The following ARID2 variants were observed in gnomAD, a reference collection of about 807,000 sequenced individuals.
ARID2 encodes AT-rich interaction domain 2.
In ARID2, 32 loss-of-function variants were observed where a neutral mutation model predicts 184.6. The ratio of observed to expected loss-of-function variants is 0.17; its 90% CI spans 0.13 to 0.23. The LOEUF is 0.23. Among genes scored for constraint, ARID2 ranks in the 10% least tolerant of loss-of-function variants. The probability of loss-of-function intolerance (pLI) is 1.00; values close to 1 mark genes in which losing one functional copy is unlikely to be tolerated. For synonymous variants in ARID2, 836 were observed against 772.6 expected (o/e 1.08, Z -1.36); for missense variants, 1,696 against 2,197.6 (o/e 0.77, Z 4.56).
intron 20 of ARID2, among the ~76,000 whole-genome samples, chr12:45,896,372 T>C (rs965972177): frequency 6.6e-6 from 1 of 152,098 alleles, no homozygotes; most frequent in African/African-American, 2.4e-5. Flanking sequence ...TTTGGCTGTG[T>C]CCCCACCCAG....
intron 3 of ARID2, among the ~76,000 whole-genome samples, chr12:45,746,815 G>T (rs1052149148): frequency 3.3e-5 from 5 of 152,114 alleles, no homozygotes; most frequent in African/African-American, 1.2e-4. Flanking sequence ...CACCCAGGCT[G>T]GAGTGCAGTG....
chr12:45,878,681 T>C (rs1250482968), intron 16 of ARID2, among the ~76,000 whole-genome samples: 1 of 152,200 alleles, frequency 6.6e-6, no homozygotes, highest in Middle Eastern at 3.2e-3. Flanking sequence ...TTATTTTAAA[T>C]TCTCAGTCTG....
intron 3 of ARID2, among the ~76,000 whole-genome samples, chr12:45,776,622 A>AT (rs1383189841): frequency 3.9e-5 from 6 of 152,088 alleles, no homozygotes; most frequent in South Asian, 2.1e-4. Context: ...AAATCAAAGG[A>AT]TTTTTTTAAA....
chr12:45,840,626 A>G (rs1186786233), intron 11 of ARID2: 3 of 152,252 alleles, frequency 2.0e-5, no homozygotes, highest in East Asian at 3.9e-4. Context: ...CATCACATCC[A>G]TTCATCAGAT....
intron 11 of ARID2, 22 bp downstream of exon 11, chr12:45,839,518 T>G: frequency 6.2e-7 from 1 of 1,601,464 alleles, no homozygotes; most frequent in Middle Eastern, 1.7e-4. Flanking sequence ...CACATATTCT[T>G]TTTCAGTGTG....
At chr12:45,739,219 T>G (rs1217696002) in intron 3 of ARID2, among the ~76,000 whole-genome samples, 1 of 152,110 alleles carries the variant, frequency 6.6e-6, no homozygotes, top group Non-Finnish European at 1.5e-5. Flanking sequence ...CCTCAGGTGA[T>G]TCACCTGCTT....
In ARID2 at chr12:45,841,355, GTAAT is replaced by G. The variant is rs774651942; in HGVS notation, c.1498+1865_1498+1868del. The G allele has an allele frequency of 2.0e-5, 3 of 152,260 alleles. No individual in the cohort carries two copies. The East Asian group carries it at 5.8e-4, about 29-fold the overall frequency. 9.4% of individuals were successfully genotyped at this position (152,260 alleles called of 1,614,324 possible). The stretch of plus-strand genomic sequence containing the variant: ...AATTTGTGGCTTATTCATTTATGTA[GTAAT>G]TAATTCATTCATAGAGATGGGACTA... On this transcript the variant is annotated intron_variant, in intron 11 of 20. Coordinates refer to ENST00000334344, the MANE Select transcript of ARID2 (RefSeq NM_152641.4).
At chr12:45,798,994 T>G (rs1942444181) in intron 3 of ARID2, among the ~76,000 whole-genome samples, 1 of 151,812 alleles carries the variant, frequency 6.6e-6, no homozygotes, top group Non-Finnish European at 1.5e-5. Flanking sequence ...TATATTAACC[T>G]GGGTATTAAA....
At position 45,745,911 on chromosome 12, in the gene ARID2, A is replaced by C. The variant is rs144520883; in HGVS notation, c.284+14597A>C. 3.3e-3 allele frequency among the ~76,000 whole-genome samples: 502 copies of C among 152,278 alleles called. 2 individuals carry two copies. The highest frequency in any genetic ancestry group is 0.012 in the African/African-American group (488 of 41,558). ...AGAGAGAAAAAACACTTTTTACTGC[A>C]AATATTCTTTATATTAAATATTTTA... is the stretch of plus-strand genomic sequence containing the variant. On this transcript the variant is annotated intron_variant, in intron 3 of 20. Coordinates refer to ENST00000334344, the MANE Select transcript of ARID2 (RefSeq NM_152641.4).
chr12:45,800,758 T>TA lies in ARID2; in HGVS notation c.285-10652dup, dbSNP rs764836552. Among the ~76,000 whole-genome samples, 479 of 151,426 alleles carry TA rather than the reference T, an allele frequency of 3.2e-3. 2 individuals are homozygous for TA. The highest frequency in any genetic ancestry group is 5.4e-3 in the Non-Finnish European group (367 of 67,836). ...CTATAAATATAAAGTAAGAAACTGCTAAAAAAAATGATAAGGACACATCAA... is the reference window on the plus strand; with the variant it reads ...CTATAAATATAAAGTAAGAAACTGCTAAAAAAAAATGATAAGGACACATCAA... On this transcript the variant is annotated intron_variant, in intron 3 of 20. Transcript: ENST00000334344.
At chr12:45,832,169 A>G (rs777840266) in intron 6 of ARID2, among the ~76,000 whole-genome samples, 9 of 152,116 alleles carry the variant, frequency 5.9e-5, no homozygotes, top group Non-Finnish European at 1.2e-4. Context: ...TTTCAAGGAT[A>G]TTTTTGATGC....
At chr12:45,768,067 G>C (rs773053081) in intron 3 of ARID2, among the ~76,000 whole-genome samples, 4 of 152,166 alleles carry the variant, frequency 2.6e-5, no homozygotes, top group Admixed American at 6.5e-5. Flanking sequence ...CTGTGGTATT[G>C]AACCAAGACC....
In ARID2 at chr12:45,896,134, C is replaced by T. The variant is rs536966521; in HGVS notation, c.5363+2413C>T. 2.0e-5 allele frequency among the ~76,000 whole-genome samples: 3 copies of T among 152,286 alleles called. No homozygotes were observed. In the South Asian group the frequency reaches 6.2e-4, roughly 32 times the overall value. On this transcript the variant is annotated intron_variant, in intron 20 of 20. Transcript: ENST00000334344. ...GAGGTGAGGGTTGCAGATGCAGTTT[C>T]CTGTTTTCATCGTATAGACAGGGCA...
At chr12:45,776,960 T>G (rs964283365) in intron 3 of ARID2, among the ~76,000 whole-genome samples, 5 of 150,778 alleles carry the variant, frequency 3.3e-5, no homozygotes, top group Non-Finnish European at 7.4e-5. Context: ...TTTATGTGGT[T>G]TTTTTTTTTA....
At chr12:45,846,970 T>TTAA in intron 12 of ARID2, 33 bp downstream of exon 12, 1 of 1,589,100 alleles carries the variant, frequency 6.3e-7, no homozygotes, top group African/African-American at 1.3e-5. Context: ...GGATTTATCC[T>TTAA]TGGGAGGAGT....
intron 11 of ARID2, chr12:45,845,857 T>C (rs1222751210): frequency 6.6e-6 from 1 of 152,188 alleles, no homozygotes; most frequent in African/African-American, 2.4e-5. Flanking sequence ...CCGTGTCACA[T>C]AGCAAGTTTT....
intron 18 of ARID2, among the ~76,000 whole-genome samples, chr12:45,892,620 C>T (rs1555160828): frequency 1.3e-5 from 2 of 151,978 alleles, no homozygotes; most frequent in Non-Finnish European, 1.5e-5. Flanking sequence ...CAGAAATACC[C>T]CTGCTTTTCA....
chr12:45,766,605 C>T (rs933468630), intron 3 of ARID2, among the ~76,000 whole-genome samples: 2 of 151,758 alleles, frequency 1.3e-5, no homozygotes, highest in African/African-American at 4.8e-5. Context: ...GCTCCGCCTC[C>T]TGGGTTCATG....
intron 3 of ARID2, among the ~76,000 whole-genome samples, chr12:45,738,876 G>A (rs1483949639): frequency 7.0e-6 from 1 of 142,746 alleles, no homozygotes; most frequent in East Asian, 2.1e-4. Flanking sequence ...AGTCAGGAAA[G>A]GATATTTTAC....
Sources: gnomAD v4.1 joint callset for allele counts (sites outside exome capture counted in the v4.1 genomes callset) on GRCh38, gnomAD v4.1.1 for gene constraint, MANE v1.5 for transcripts, NCBI Gene and HGNC (gene_info 2026-07-23, HGNC 2026-07-21) for gene names.